Variants in DPP6 observed in about 807,000 individuals in gnomAD.
DPP6 encodes the protein dipeptidyl peptidase like 6.
DPP6 carries 69 observed loss-of-function variants against 122.6 expected under a neutral mutation model. That is an observed-to-expected ratio of 0.56 (90% CI 0.46 to 0.69). The LOEUF (loss-of-function observed/expected upper bound fraction) is 0.69. Among genes scored for constraint, DPP6 ranks in the 30% least tolerant of loss-of-function variants. DPP6 has a pLI of 0.00. For missense variants in DPP6, 928 were observed against 1,116.9 expected (o/e 0.83, Z 2.41); for synonymous variants, 418 against 433.1 (o/e 0.97, Z 0.43).
the DPP6 span, among the ~76,000 whole-genome samples, chr7:153,808,203 G>T: frequency 2.3e-5 from 3 of 128,698 alleles, no homozygotes; most frequent in Non-Finnish European, 5.0e-5. Flanking sequence ...GTGTGTGCCT[G>T]AGTGTGTGTG....
chr7:153,752,246 A>G, the DPP6 span, among the ~76,000 whole-genome samples: 3 of 133,016 alleles, frequency 2.3e-5, no homozygotes, highest in Non-Finnish European at 3.1e-5. Flanking sequence ...TATTTGTACC[A>G]CAGCCTCTTT....
At chr7:154,774,418 C>G (rs1796441337) in intron 10 of DPP6, among the ~76,000 whole-genome samples, 1 of 152,198 alleles carries the variant, frequency 6.6e-6, no homozygotes, top group Non-Finnish European at 1.5e-5. Context: ...TGGAAAGTCA[C>G]CTGGAAAATT....
chr7:153,975,461 G>T (rs1490939968), intron 1 of DPP6, among the ~76,000 whole-genome samples: 1 of 151,092 alleles, frequency 6.6e-6, no homozygotes, highest in Non-Finnish European at 1.5e-5. Flanking sequence ...CAGTGGCCTT[G>T]CAAGTTTCAC....
At chr7:153,956,774 A>G (rs373603410) in intron 1 of DPP6, among the ~76,000 whole-genome samples, 1 of 152,182 alleles carries the variant, frequency 6.6e-6, no homozygotes, top group South Asian at 2.1e-4. Context: ...GCCTCAGCAC[A>G]CAGTGCAACA....
chr7:154,342,527 G>C (rs1279052755), intron 1 of DPP6, among the ~76,000 whole-genome samples: 1 of 152,146 alleles, frequency 6.6e-6, no homozygotes, highest in Non-Finnish European at 1.5e-5. Context: ...TGTAAGCCCC[G>C]GGGCAGTTTT....
chr7:153,977,716 C>T (rs1404000123), intron 1 of DPP6, among the ~76,000 whole-genome samples: 1 of 151,944 alleles, frequency 6.6e-6, no homozygotes, highest in East Asian at 1.9e-4. Context: ...TTGTCCCCCA[C>T]CCCCGACAGA....
intron 10 of DPP6, among the ~76,000 whole-genome samples, chr7:154,783,198 G>A (rs1454682969): frequency 6.6e-6 from 1 of 152,134 alleles, no homozygotes; most frequent in Non-Finnish European, 1.5e-5. Flanking sequence ...GCCTGACTTT[G>A]CCACAAAGGC....
chr7:154,691,773 G>C (rs183404017), intron 7 of DPP6, among the ~76,000 whole-genome samples: 4 of 151,718 alleles, frequency 2.6e-5, no homozygotes, highest in Non-Finnish European at 5.9e-5. Context: ...GAGCCAAGAC[G>C]GTGCCACTGC....
intron 2 of DPP6, among the ~76,000 whole-genome samples, chr7:154,465,273 T>G (rs1033978786): frequency 3.9e-5 from 6 of 152,232 alleles, no homozygotes; most frequent in South Asian, 2.1e-4. Context: ...AATACAAATT[T>G]TATTAGTCAG....
At chr7:154,378,077 T>C (rs1249880690) in intron 1 of DPP6, among the ~76,000 whole-genome samples, 1 of 152,234 alleles carries the variant, frequency 6.6e-6, no homozygotes, top group East Asian at 1.9e-4. Context: ...AAACAGTGCC[T>C]GGTGAGCTCT....
At chr7:154,091,717 C>T (rs1416746392) in intron 1 of DPP6, among the ~76,000 whole-genome samples, 2 of 152,162 alleles carry the variant, frequency 1.3e-5, no homozygotes, top group Non-Finnish European at 2.9e-5. Context: ...TTCCCCCCCT[C>T]ACCACGTGGC....
chr7:154,065,601 GC>G (rs1802653366), intron 1 of DPP6, among the ~76,000 whole-genome samples: 1 of 151,496 alleles, frequency 6.6e-6, no homozygotes, highest in Non-Finnish European at 1.5e-5. Context: ...TAGTACCCCC[GC>G]CCCCGAGAGC....
At chr7:154,719,297 A>G (rs534353630) in intron 7 of DPP6, among the ~76,000 whole-genome samples, 6 of 152,250 alleles carry the variant, frequency 3.9e-5, no homozygotes, top group African/African-American at 1.4e-4. Context: ...GGGGGCTCCA[A>G]AGTGGGCTGT....
At chr7:154,631,277 G>C (rs1451283926) in intron 5 of DPP6, among the ~76,000 whole-genome samples, 1 of 152,210 alleles carries the variant, frequency 6.6e-6, no homozygotes, top group Non-Finnish European at 1.5e-5. Context: ...CTGGATGGAG[G>C]GGCAGGAGGC....
intron 19 of DPP6, among the ~76,000 whole-genome samples, chr7:154,874,500 G>C (rs1354706897): frequency 6.6e-6 from 1 of 152,174 alleles, no homozygotes; most frequent in East Asian, 1.9e-4. Context: ...AGGAGATCTG[G>C]AGTCCCTGAG....
At chr7:154,662,172 A>T (rs1282956248) in intron 6 of DPP6, among the ~76,000 whole-genome samples, 1 of 150,946 alleles carries the variant, frequency 6.6e-6, no homozygotes, top group Non-Finnish European at 1.5e-5. Context: ...CGTAGTGTTC[A>T]TATAGTCATG....
At chr7:154,164,541 T>C (rs182469470) in intron 1 of DPP6, among the ~76,000 whole-genome samples, 14 of 152,282 alleles carry the variant, frequency 9.2e-5, no homozygotes, top group Admixed American at 2.6e-4. Flanking sequence ...TTTCAGAGAA[T>C]TGTGGAACCA....
intron 1 of DPP6, among the ~76,000 whole-genome samples, chr7:154,393,256 T>C (rs879578100): frequency 3.3e-5 from 5 of 152,168 alleles, no homozygotes; most frequent in Admixed American, 6.5e-5. Context: ...GACCTCCTTT[T>C]CTGGAAGCAA....
intron 1 of DPP6, among the ~76,000 whole-genome samples, chr7:154,402,701 A>G (rs1337189648): frequency 2.0e-5 from 3 of 151,480 alleles, no homozygotes; most frequent in Admixed American, 6.6e-5. Flanking sequence ...ATACATATGT[A>G]ACTAACCTGC....
Sources: gnomAD v4.1 joint callset for allele counts (sites outside exome capture counted in the v4.1 genomes callset) on GRCh38, gnomAD v4.1.1 for gene constraint, MANE v1.5 for transcripts, NCBI Gene and HGNC (gene_info 2026-07-23, HGNC 2026-07-21) for gene names.